TLCD4: variants seen among roughly 807,000 people sequenced by gnomAD.
TLCD4 encodes the protein TLC domain containing 4.
A neutral mutation model predicts 24.2 loss-of-function variants in TLCD4; 7 were observed. That is an observed-to-expected ratio of 0.29 (90% confidence interval 0.16 to 0.54). The LOEUF (loss-of-function observed/expected upper bound fraction) is 0.54, where lower values mean the gene tolerates loss of function less well. Ranked by LOEUF, TLCD4 falls within the 20% of genes least tolerant of loss-of-function variation. The pLI is 0.95. For missense variants in TLCD4, 259 were observed against 313.9 expected (o/e 0.82, Z 1.32); for synonymous variants, 103 against 106.4 (o/e 0.97, Z 0.20).
Position 95,151,402 on chromosome 1 carries a change from G to T in TLCD4, c.382G>T (p.Ala128Ser). ...AATGCATCATTGTGCGTCCCTGTAT[G>T]CATACTACCTTGTACTGGTGAGTTC... is the stretch of plus-strand genomic sequence containing the variant. ...FIMHHCASLY[A>S]YYLVLKNGVL... The change falls in exon 5 of 7, where the codon GCA (alanine) becomes TCA (serine). Residue 128 changes from alanine (A) to serine (S), a missense_variant. By Grantham distance (99) the Ala-to-Ser change is moderately conservative. Transcript: ENST00000370203. 1 of 1,613,172 alleles carries T rather than the reference G, an allele frequency of 6.2e-7. No homozygotes were observed. The highest frequency in any genetic ancestry group is 8.5e-7 in the Non-Finnish European group (1 of 1,179,406).
rs1464416651 is a variant in TLCD4 at position 95,148,575 on chromosome 1, C to T, written c.156-127C>T. Reference sequence around the variant, plus strand: ...AATGGCAATTTTGCATTATACTCTCCGTTATACTTCACACCTGTATATAAA... The same window carrying T: ...AATGGCAATTTTGCATTATACTCTCTGTTATACTTCACACCTGTATATAAA... On this transcript the variant is annotated intron_variant, in intron 2 of 6. Coordinates refer to ENST00000370203, the MANE Select transcript of TLCD4 (RefSeq NM_152487.3). The T allele has an allele frequency of 1.6e-5, 21 of 1,278,670 alleles. No homozygotes were observed. In the Admixed American group the frequency reaches 2.1e-4, roughly 13 times the overall value. The allele number at this position is 1,278,670 out of a possible 1,614,324, so 79.2% of individuals were successfully genotyped here. A position where few individuals can be genotyped will look rare whatever the true frequency, so the allele number is the denominator to read the frequency against.
At chr1:95,145,885 C>A (rs902900091) in intron 2 of TLCD4, among the ~76,000 whole-genome samples, 5 of 152,120 alleles carry the variant, frequency 3.3e-5, no homozygotes, top group African/African-American at 1.2e-4. Flanking sequence ...AAAAAGGAGT[C>A]TGGGATTATA....
intron 5 of TLCD4, among the ~76,000 whole-genome samples, chr1:95,160,920 AT>A (rs1677775765): frequency 6.6e-6 from 1 of 152,000 alleles, no homozygotes; most frequent in African/African-American, 2.4e-5. Context: ...TTTATTGAGG[AT>A]TTTTGCATCA....
chr1:95,103,015 G>A, the TLCD4 span, among the ~76,000 whole-genome samples: 9 of 150,826 alleles, frequency 6.0e-5, no homozygotes, highest in Admixed American at 2.6e-4. Context: ...GTCTTGCTTC[G>A]TTGCCCAGGC....
At chr1:95,125,772 A>G (rs766005160) in intron 1 of TLCD4, among the ~76,000 whole-genome samples, 1 of 152,248 alleles carries the variant, frequency 6.6e-6, no homozygotes, top group African/African-American at 2.4e-5. Flanking sequence ...AAATGATCAC[A>G]TTCCTTCAAA....
At chr1:95,164,823 T>C (rs1313677476) in intron 5 of TLCD4, 1 of 152,234 alleles carries the variant, frequency 6.6e-6, no homozygotes, top group Admixed American at 6.5e-5. Flanking sequence ...AGAAAATCAG[T>C]AAAATATTTA....
At chr1:95,184,418 C>T (rs749041887) in intron 6 of TLCD4, among the ~76,000 whole-genome samples, 1 of 151,992 alleles carries the variant, frequency 6.6e-6, no homozygotes, top group Non-Finnish European at 1.5e-5. Context: ...TGAATTAGAG[C>T]AAATAATTCC....
At chr1:95,118,604 A>T (rs926627261) in intron 1 of TLCD4, among the ~76,000 whole-genome samples, 1 of 152,214 alleles carries the variant, frequency 6.6e-6, no homozygotes, top group African/African-American at 2.4e-5. Flanking sequence ...ACGCAGTCAT[A>T]AATGGAGTTG....
chr1:95,159,150 C>G (rs140004300), intron 5 of TLCD4, among the ~76,000 whole-genome samples: 4,926 of 152,246 alleles, frequency 0.032, 183 homozygotes, highest in East Asian at 0.12. Context: ...CCTATTTCTC[C>G]ACATCCTCTC....
chr1:95,115,837 T>C (rs755468686), upstream of TLCD4, among the ~76,000 whole-genome samples: 8 of 152,178 alleles, frequency 5.3e-5, no homozygotes, highest in Non-Finnish European at 1.2e-4. Context: ...GAGGTAGTGT[T>C]GATACAGACT....
chr1:95,182,939 A>G (rs1055782886), intron 6 of TLCD4, among the ~76,000 whole-genome samples: 8 of 152,178 alleles, frequency 5.3e-5, no homozygotes, highest in African/African-American at 1.9e-4. Context: ...AAGAGAAAGT[A>G]TAGGATCAAA....
In TLCD4 at chr1:95,150,209, G is replaced by A. The variant is rs375560705; in HGVS notation, c.247G>A (p.Gly83Ser). Residue 83 changes from glycine (G) to serine (S), a missense_variant and splice_region_variant, in exon 4 of 7, where the codon GGT becomes AGT. Gly to Ser is a moderately conservative substitution (Grantham distance 56, BLOSUM62 0). Transcript: ENST00000370203. ...DEATKADPLWGGPSLANVNIA... is the reference protein window; with the variant it reads ...DEATKADPLWSGPSLANVNIA... Reference sequence around the variant, plus strand: ...AAAGGAACCTTTTTTTTTTTTCAGGGGTGGTCCATCACTTGCAAACGTGAA... The same window carrying A: ...AAAGGAACCTTTTTTTTTTTTCAGGAGTGGTCCATCACTTGCAAACGTGAA... 1.9e-6 allele frequency: 3 copies of A among 1,601,240 alleles called. No homozygotes were observed. The African/African-American group carries it at 4.1e-5, about 22-fold the overall frequency.
chr1:95,118,703 G>A (rs1676496121), intron 1 of TLCD4, among the ~76,000 whole-genome samples: 1 of 152,186 alleles, frequency 6.6e-6, no homozygotes, highest in African/African-American at 2.4e-5. Context: ...TCATCTTTGT[G>A]TAGCCGATTA....
Position 95,143,970 on chromosome 1 carries a change from C to T in TLCD4, c.69C>T (p.Phe23=), listed in dbSNP as rs1435212815. The T allele has an allele frequency of 6.3e-7, 1 of 1,575,712 alleles. No homozygotes were observed. Residue 23 remains phenylalanine (F), a synonymous_variant, in exon 2 of 7, where the codon TTC becomes TTT. Coordinates refer to ENST00000370203, the MANE Select transcript of TLCD4 (RefSeq NM_152487.3). ...CISFFTFQLL[F]YFVSYWFSAK... Reference sequence around the variant, plus strand: ...GCTTTTTCACCTTTCAGCTTCTTTTCTACTTTGTAAGTTACTGGTTTTCAG... The same window carrying T: ...GCTTTTTCACCTTTCAGCTTCTTTTTTACTTTGTAAGTTACTGGTTTTCAG...
At chr1:95,160,154 C>G (rs552822736) in intron 5 of TLCD4, among the ~76,000 whole-genome samples, 2 of 152,288 alleles carry the variant, frequency 1.3e-5, no homozygotes, top group African/African-American at 4.8e-5. Context: ...AATGCTCTTC[C>G]ATTTGTTTGT....
intron 5 of TLCD4, among the ~76,000 whole-genome samples, chr1:95,152,440 T>C (rs561921497): frequency 1.3e-5 from 2 of 152,272 alleles, no homozygotes; most frequent in African/African-American, 2.4e-5. Context: ...TTAATACTTA[T>C]GTAACCATTT....
At chr1:95,119,953 T>G (rs1325152096) in intron 1 of TLCD4, among the ~76,000 whole-genome samples, 1 of 152,094 alleles carries the variant, frequency 6.6e-6, no homozygotes, top group African/African-American at 2.4e-5. Flanking sequence ...AGCTTTTCTG[T>G]TAAGGAAGAT....
At chr1:95,180,289 A>G (rs979178129) in intron 6 of TLCD4, among the ~76,000 whole-genome samples, 3 of 152,232 alleles carry the variant, frequency 2.0e-5, no homozygotes, top group African/African-American at 7.2e-5. Context: ...ATAAAATTAG[A>G]GATAGTTTAA....
At chr1:95,191,340 C>T (rs1679020887) in intron 6 of TLCD4, among the ~76,000 whole-genome samples, 1 of 152,146 alleles carries the variant, frequency 6.6e-6, no homozygotes, top group South Asian at 2.1e-4. Flanking sequence ...TTCACTAACA[C>T]CATGCTGACT....
Sources: allele counts gnomAD v4.1 joint callset (sites outside exome capture counted in the v4.1 genomes callset), GRCh38; gene constraint gnomAD v4.1.1; transcripts MANE v1.5; gene names NCBI Gene and HGNC (gene_info 2026-07-23, HGNC 2026-07-21).